The following CCDC38 variants were observed in gnomAD, a reference collection of about 807,000 sequenced individuals.
CCDC38 encodes coiled-coil domain containing 38.
CCDC38 carries 69 observed loss-of-function variants against 72.8 expected under a neutral mutation model. That is an observed-to-expected ratio of 0.95 (90% CI 0.78 to 1.16). CCDC38 has a LOEUF of 1.16. Ranked by LOEUF, CCDC38 falls within the 50% of genes most tolerant of loss-of-function variation. CCDC38 has a pLI of 0.00. For synonymous variants in CCDC38, 201 were observed against 213.2 expected, an observed-to-expected ratio of 0.94 and a Z score of 0.50; for missense variants, 626 against 638.9, an observed-to-expected ratio of 0.98 and a Z score of 0.22.
intron 2 of CCDC38, among the ~76,000 whole-genome samples, chr12:95,921,879 T>G (rs942159748): frequency 3.3e-5 from 5 of 152,158 alleles, no homozygotes; most frequent in African/African-American, 1.2e-4. Context: ...AGAAACTCAA[T>G]GATTCTTGCC....
chr12:95,942,841 C>G (rs1261960851), upstream of CCDC38: 1 of 153,290 alleles, frequency 6.5e-6, no homozygotes, highest in Non-Finnish European at 1.5e-5. Flanking sequence ...TCCCGGGGCT[C>G]TACCTCCAAG....
intron 13 of CCDC38, among the ~76,000 whole-genome samples, chr12:95,874,615 A>C (rs17024820): frequency 0.18 from 27,773 of 152,130 alleles, 2,752 homozygotes; most frequent in African/African-American, 0.26. Flanking sequence ...AGGGAAGGGA[A>C]GTTTCAGCCC....
chr12:95,926,370 G>A (rs1422022919), intron 2 of CCDC38, among the ~76,000 whole-genome samples: 2 of 152,096 alleles, frequency 1.3e-5, no homozygotes, highest in Non-Finnish European at 2.9e-5. Context: ...TTGTATTTCT[G>A]TGGGATCGGT....
At chr12:95,900,695 T>C (rs1235760839) in intron 5 of CCDC38, among the ~76,000 whole-genome samples, 1 of 152,204 alleles carries the variant, frequency 6.6e-6, no homozygotes, top group Non-Finnish European at 1.5e-5. Flanking sequence ...AAAATACATA[T>C]GTTGCTGTTA....
At chr12:95,890,026 C>T (rs1310014065) in intron 9 of CCDC38, among the ~76,000 whole-genome samples, 2 of 152,114 alleles carry the variant, frequency 1.3e-5, no homozygotes, top group African/African-American at 2.4e-5. Flanking sequence ...ATCCTCCTAC[C>T]TCAACCTCCT....
intron 13 of CCDC38, among the ~76,000 whole-genome samples, chr12:95,877,558 A>T (rs2079648979): frequency 6.6e-6 from 1 of 152,202 alleles, no homozygotes; most frequent in Non-Finnish European, 1.5e-5. Context: ...AATCAATGTT[A>T]GATGGAGCTG....
intron 1 of CCDC38, among the ~76,000 whole-genome samples, chr12:95,937,031 C>G (rs1440682683): frequency 6.6e-6 from 1 of 152,138 alleles, no homozygotes; most frequent in Non-Finnish European, 1.5e-5. Flanking sequence ...TTGAGGCACT[C>G]AATCTTAGCT....
Position 95,875,123 on chromosome 12 carries a change from C to G in CCDC38, c.1279-2663G>C. ...ACAGTATTGAGGGAAAGAAGCCAGA[C>G]ATGTTACATGATTCCATTCCAACAG... On this transcript the variant is annotated intron_variant, in intron 13 of 15. Coordinates refer to ENST00000344280, the MANE Select transcript of CCDC38 (RefSeq NM_182496.3). Among the ~76,000 whole-genome samples, 2 of 152,126 alleles carry G rather than the reference C, an allele frequency of 1.3e-5. 1 individual carries two copies. Among genetic ancestry groups the G allele is most frequent in the Non-Finnish European group, 2.9e-5 (2 of 68,024 alleles).
chr12:95,926,870 C>T (rs1484204763), intron 2 of CCDC38, among the ~76,000 whole-genome samples: 1 of 151,626 alleles, frequency 6.6e-6, no homozygotes, highest in South Asian at 2.1e-4. Context: ...GATTCTTAAT[C>T]CTGAGTTCTA....
chr12:95,921,806 C>T (rs922379550), intron 2 of CCDC38, among the ~76,000 whole-genome samples: 1 of 152,018 alleles, frequency 6.6e-6, no homozygotes, highest in African/African-American at 2.4e-5. Flanking sequence ...TACCCCACAT[C>T]CCATGTCCAC....
intron 14 of CCDC38, 28 bp from the exon 15 acceptor site, chr12:95,869,601 G>A (rs2079558794): frequency 6.6e-7 from 1 of 1,526,696 alleles, no homozygotes; most frequent in Non-Finnish European, 9.1e-7. Context: ...AAACATTCTT[G>A]TAACTATAAA....
At chr12:95,941,231 T>C (rs34882598) in intron 1 of CCDC38, among the ~76,000 whole-genome samples, 12,826 of 152,238 alleles carry the variant, frequency 0.084, 707 homozygotes, top group Non-Finnish European at 0.13. Flanking sequence ...CTTGCAAGCT[T>C]TAAGTACATG....
intron 4 of CCDC38, among the ~76,000 whole-genome samples, chr12:95,908,275 C>T (rs1219214224): frequency 9.9e-5 from 15 of 151,356 alleles, no homozygotes; most frequent in Non-Finnish European, 2.1e-4. Flanking sequence ...GCCCGGCCAA[C>T]ACAGCGAAAC....
At chr12:95,896,831 T>C (rs2079894347) in intron 7 of CCDC38, among the ~76,000 whole-genome samples, 1 of 152,076 alleles carries the variant, frequency 6.6e-6, no homozygotes, top group East Asian at 1.9e-4. Flanking sequence ...TTCTAGATGA[T>C]GTGATACATC....
intron 4 of CCDC38, among the ~76,000 whole-genome samples, chr12:95,909,087 C>T (rs1263288403): frequency 6.6e-6 from 1 of 151,796 alleles, no homozygotes; most frequent in Non-Finnish European, 1.5e-5. Context: ...AAAATAAAAT[C>T]ATACAAAGAA....
intron 13 of CCDC38, among the ~76,000 whole-genome samples, chr12:95,872,792 C>T (rs1473034917): frequency 6.6e-6 from 1 of 152,202 alleles, no homozygotes; most frequent in African/African-American, 2.4e-5. Flanking sequence ...CCAGGCTGGT[C>T]TTGAATTCCG....
chr12:95,935,543 C>T (rs573426812), intron 2 of CCDC38: 5 of 326,166 alleles, frequency 1.5e-5, no homozygotes, highest in Non-Finnish European at 3.1e-5. Context: ...AGAGAACAAA[C>T]GTCTATCATG....
chr12:95,881,549 G>T lies in CCDC38; in HGVS notation c.926C>A (p.Ala309Asp). ...RTPEKKKSNL[A>D]ESFGSEDSLE... ...ACTGTCTTCTGAACCGAAACTTTCA[G>T]CCAGGCTGTAAAAGAAAAAAGAAAA... Residue 309 changes from alanine (A) to aspartate (D), a missense_variant, in exon 11 of 16, where the codon GCT (alanine) becomes GAT (aspartate). Physicochemically the swap from Ala to Asp is moderately radical, Grantham distance 126. Coordinates refer to ENST00000344280, the MANE Select transcript of CCDC38 (RefSeq NM_182496.3). The T allele has an allele frequency of 6.2e-7, 1 of 1,607,620 alleles. No homozygotes were observed. Among genetic ancestry groups the T allele is most frequent in the Non-Finnish European group, 8.5e-7 (1 of 1,176,964 alleles).
intron 8 of CCDC38, 21 bp from the exon 9 acceptor site, chr12:95,890,951 GGA>G: frequency 1.5e-6 from 2 of 1,362,636 alleles, no homozygotes; most frequent in East Asian, 2.3e-5. Flanking sequence ...CAAATGAAGA[GGA>G]GAGAGACAGA....
Sources: allele counts gnomAD v4.1 joint callset (sites outside exome capture counted in the v4.1 genomes callset), GRCh38; gene constraint gnomAD v4.1.1; transcripts MANE v1.5; gene names NCBI Gene and HGNC (gene_info 2026-07-23, HGNC 2026-07-21).